Variants in RYR3 observed in about 807,000 individuals in gnomAD.
RYR3 encodes the protein ryanodine receptor 3.
A neutral mutation model predicts 584.3 loss-of-function variants in RYR3; 207 were observed. The observed-to-expected ratio is 0.35, with a 90% CI of 0.32 to 0.40. RYR3 has a LOEUF of 0.40. RYR3 is among the 10% of genes least tolerant of loss of function. RYR3 has a pLI of 1.00. For synonymous variants in RYR3, 2,416 were observed against 2,248.5 expected (o/e 1.07, Z -2.11); for missense variants, 5,616 against 6,089.2 (o/e 0.92, Z 2.59).
chr15:33,366,549 T>A (rs949144299), intron 1 of RYR3, among the ~76,000 whole-genome samples: 1 of 152,168 alleles, frequency 6.6e-6, no homozygotes, highest in African/African-American at 2.4e-5. Context: ...GAACAAGAAT[T>A]AAGGGTTTTA....
intron 27 of RYR3, among the ~76,000 whole-genome samples, chr15:33,643,465 A>T (rs1170117287): frequency 6.6e-6 from 1 of 152,208 alleles, no homozygotes; most frequent in African/African-American, 2.4e-5. Flanking sequence ...ATCAAGCTAC[A>T]GATGTGAGTT....
chr15:33,767,657 C>G (rs1318036108), intron 60 of RYR3, among the ~76,000 whole-genome samples: 2 of 152,192 alleles, frequency 1.3e-5, no homozygotes, highest in Non-Finnish European at 2.9e-5. Flanking sequence ...AGTTATGAAT[C>G]AGAAACTGGG....
chr15:33,481,297 C>G (rs970467314), intron 2 of RYR3, among the ~76,000 whole-genome samples: 1 of 152,096 alleles, frequency 6.6e-6, no homozygotes, highest in African/African-American at 2.4e-5. Context: ...ATGTTTTATT[C>G]ATTTACATTT....
intron 69 of RYR3, 51 bp downstream of exon 69, chr15:33,802,012 A>G (rs2075943918): frequency 1.9e-6 from 2 of 1,071,454 alleles, no homozygotes; most frequent in African/African-American, 3.1e-5. Context: ...AACCTCAGCC[A>G]TGACTTGGAT....
At position 33,412,926 on chromosome 15, in the gene RYR3, G is replaced by A. The variant is rs1467518738; in HGVS notation, c.52-60493G>A. Reference sequence around the variant, plus strand: ...ACGATGAGAAAAAAATTCTGTTCAAGAAACTAGCCTATGTACTCCATCTTT... The same window carrying A: ...ACGATGAGAAAAAAATTCTGTTCAAAAAACTAGCCTATGTACTCCATCTTT... On this transcript the variant is annotated intron_variant, in intron 1 of 103. Transcript: ENST00000634891. This position sits in a 1 kb window ranked among gnomAD's most constrained non-coding sequence, Gnocchi z 4.3. 2.0e-5 allele frequency among the ~76,000 whole-genome samples: 3 copies of A among 148,856 alleles called. No individual in the cohort carries two copies. In the East Asian group the frequency reaches 5.8e-4, roughly 29 times the overall value.
intron 49 of RYR3, among the ~76,000 whole-genome samples, chr15:33,737,787 C>T (rs1053538804): frequency 6.6e-6 from 1 of 152,212 alleles, no homozygotes; most frequent in African/African-American, 2.4e-5. Flanking sequence ...ATTGATATCA[C>T]TCAATAAGCT....
intron 1 of RYR3, among the ~76,000 whole-genome samples, chr15:33,384,255 A>G (rs760519875): frequency 2.6e-5 from 4 of 151,966 alleles, no homozygotes; most frequent in Admixed American, 2.0e-4. Context: ...AGCAACCTAA[A>G]TCTTCTGCCT....
intron 1 of RYR3, among the ~76,000 whole-genome samples, chr15:33,420,478 C>T (rs146561699): frequency 6.6e-6 from 1 of 152,072 alleles, no homozygotes; most frequent in African/African-American, 2.4e-5. Flanking sequence ...TCTTGTAGAC[C>T]ATTCCATTCA....
intron 12 of RYR3, among the ~76,000 whole-genome samples, chr15:33,579,553 G>A (rs1298250294): frequency 6.6e-6 from 1 of 152,094 alleles, no homozygotes; most frequent in Non-Finnish European, 1.5e-5. Flanking sequence ...AGACAACCAG[G>A]GGTAAATGGA....
chr15:33,755,788 A>C (rs962067618), intron 58 of RYR3, among the ~76,000 whole-genome samples: 1 of 151,350 alleles, frequency 6.6e-6, no homozygotes, highest in African/African-American at 2.4e-5. Flanking sequence ...TTTTTTTCTG[A>C]GATGGAGTTT....
At chr15:33,367,568 G>A (rs772947252) in intron 1 of RYR3, among the ~76,000 whole-genome samples, 8 of 152,190 alleles carry the variant, frequency 5.3e-5, no homozygotes, top group Non-Finnish European at 1.2e-4. Flanking sequence ...CAGGGCTCTA[G>A]AATCCTGCCC....
intron 42 of RYR3, 112 bp from the exon 43 acceptor site, chr15:33,706,807 A>T (rs1329221485): frequency 2.0e-6 from 2 of 1,005,274 alleles, no homozygotes; most frequent in Admixed American, 2.5e-5. Flanking sequence ...AGCAATGCAC[A>T]AGAGTTCCAA....
intron 101 of RYR3, 112 bp downstream of exon 101, chr15:33,860,771 G>C (rs369653586): frequency 1.2e-6 from 1 of 866,732 alleles, no homozygotes; most frequent in East Asian, 2.7e-5. Flanking sequence ...AAGCAAGAAC[G>C]CAGTTTGTTT....
intron 1 of RYR3, among the ~76,000 whole-genome samples, chr15:33,432,133 AAT>A (rs1458757805): frequency 6.6e-6 from 1 of 152,208 alleles, no homozygotes; most frequent in Non-Finnish European, 1.5e-5. Context: ...GATGAAAATA[AAT>A]ATGTGTTCCC....
chr15:33,481,450 C>T (rs2049954999), intron 2 of RYR3, among the ~76,000 whole-genome samples: 1 of 150,680 alleles, frequency 6.6e-6, no homozygotes, highest in African/African-American at 2.5e-5. Flanking sequence ...GGCTTTTTAG[C>T]TCTACCTCTT....
At position 33,311,017 on chromosome 15, in the gene RYR3, G is replaced by A. The variant is rs1967157510; in HGVS notation, c.-29G>A. ...GCCGGGGGAAGCAGAGGCGCCGGAG[G>A]CTGGGGCACCGCCGACGCCTCGGGA... On this transcript the variant is annotated 5_prime_UTR_variant, in exon 1 of 104. Transcript: ENST00000634891. The surrounding 1 kb of genome is among the most constrained non-coding windows in gnomAD (Gnocchi z 4.4). 2.6e-6 allele frequency: 4 copies of A among 1,563,950 alleles called. No individual in the cohort carries two copies. The highest frequency in any genetic ancestry group is 3.5e-6 in the Non-Finnish European group (4 of 1,155,522).
At chr15:33,435,541 A>C (rs1245796357) in intron 1 of RYR3, among the ~76,000 whole-genome samples, 1 of 152,198 alleles carries the variant, frequency 6.6e-6, no homozygotes, top group African/African-American at 2.4e-5. Context: ...CAGGATTTAT[A>C]CTTACAAATG....
intron 16 of RYR3, among the ~76,000 whole-genome samples, chr15:33,596,318 T>C (rs1241798464): frequency 4.6e-5 from 7 of 152,160 alleles, no homozygotes; most frequent in Admixed American, 4.6e-4. Context: ...TTCTAAATTA[T>C]GACCAGTTTG....
intron 3 of RYR3, among the ~76,000 whole-genome samples, chr15:33,506,676 A>T (rs1218336906): frequency 6.6e-6 from 1 of 152,202 alleles, no homozygotes; most frequent in African/African-American, 2.4e-5. Context: ...CAAAATAGTT[A>T]CCTGAACAGC....
Sources: gnomAD v4.1 joint callset for allele counts (sites outside exome capture counted in the v4.1 genomes callset) on GRCh38, gnomAD v4.1.1 for gene constraint, Gnocchi (gnomAD v3.1) non-coding constraint, MANE v1.5 for transcripts, NCBI Gene and HGNC (gene_info 2026-07-23, HGNC 2026-07-21) for gene names.